The following PCDH15 variants were observed in gnomAD, a reference collection of about 807,000 sequenced individuals.
PCDH15 encodes the protein protocadherin related 15.
Under a neutral mutation model 178.5 loss-of-function variants are expected in PCDH15, and 129 were observed. The ratio of observed to expected loss-of-function variants is 0.72; its 90% CI spans 0.63 to 0.84. The LOEUF (loss-of-function observed/expected upper bound fraction) is 0.84. Ranked by LOEUF, PCDH15 falls within the 40% of genes least tolerant of loss-of-function variation. The pLI, the probability that PCDH15 is intolerant of heterozygous loss-of-function variation, is 0.00. For synonymous variants in PCDH15, 800 were observed against 732.0 expected (o/e 1.09, Z -1.50); for missense variants, 2,230 against 2,099.9 (o/e 1.06, Z -1.21).
chr10:55,354,785 G>A (rs192816397), intron 2 of PCDH15, among the ~76,000 whole-genome samples: 1 of 151,988 alleles, frequency 6.6e-6, no homozygotes, highest in Non-Finnish European at 1.5e-5. Flanking sequence ...TTTGCGGAAT[G>A]TACAGTTTTA....
intron 2 of PCDH15, among the ~76,000 whole-genome samples, chr10:55,452,213 C>A (rs538288018): frequency 7.3e-6 from 1 of 136,520 alleles, no homozygotes; most frequent in Admixed American, 7.5e-5. Context: ...TTTGAAACTG[C>A]ATTTTATGAG....
chr10:54,042,160 A>G (rs1229740847), intron 18 of PCDH15, among the ~76,000 whole-genome samples: 2 of 152,174 alleles, frequency 1.3e-5, no homozygotes, highest in South Asian at 2.1e-4. Context: ...ATATTGCCAG[A>G]CATTTTTGTA....
chr10:53,844,762 A>C (rs2077867579), intron 28 of PCDH15, among the ~76,000 whole-genome samples: 1 of 152,062 alleles, frequency 6.6e-6, no homozygotes, highest in Non-Finnish European at 1.5e-5. Context: ...ATAAGACATA[A>C]AACTGTAAAA....
Position 54,169,626 on chromosome 10 carries a change from G to T in PCDH15, c.1590+13818C>A, listed in dbSNP as rs1375120440. ...AAAGCCTCCTTTGCATACTCCTCTT[G>T]TATCCCCCCACCTTAACCTACAAGT... On this transcript the variant is annotated intron_variant, in intron 13 of 37. Coordinates refer to ENST00000644397, the MANE Select transcript of PCDH15 (RefSeq NM_001384140.1). Among the ~76,000 whole-genome samples, 5 of 150,082 alleles carry T rather than the reference G, an allele frequency of 3.3e-5. No individual in the cohort carries two copies. The Admixed American group carries it at 3.3e-4, about 10-fold the overall frequency.
At chr10:54,888,801 T>C (rs956039760) in intron 3 of PCDH15, among the ~76,000 whole-genome samples, 2 of 151,436 alleles carry the variant, frequency 1.3e-5, no homozygotes, top group African/African-American at 4.8e-5. Context: ...TTTTTTTTTT[T>C]TTAAGTGGGC....
intron 20 of PCDH15, among the ~76,000 whole-genome samples, chr10:53,999,397 TTC>T (rs2092014733): frequency 6.6e-6 from 1 of 152,200 alleles, no homozygotes. Context: ...CTGGGTTTTT[TTC>T]TCTCTCAATT....
chr10:54,569,205 A>C (rs1261999540), intron 2 of PCDH15, among the ~76,000 whole-genome samples: 1 of 152,098 alleles, frequency 6.6e-6, no homozygotes, highest in Non-Finnish European at 1.5e-5. Flanking sequence ...TGAACTTTTT[A>C]TAAAATTAAA....
chr10:55,261,873 C>T (rs1048057884), intron 1 of PCDH15, among the ~76,000 whole-genome samples: 88 of 152,032 alleles, frequency 5.8e-4, no homozygotes, highest in African/African-American at 2.1e-3. Flanking sequence ...GATTAAAAGC[C>T]AATTGTTATT....
intron 28 of PCDH15, among the ~76,000 whole-genome samples, chr10:53,849,661 T>C (rs941184060): frequency 6.6e-6 from 1 of 151,776 alleles, no homozygotes; most frequent in Non-Finnish European, 1.5e-5. Context: ...TCAGGAGATC[T>C]AGACCATTGT....
At chr10:54,122,627 TATG>T (rs974875191) in intron 15 of PCDH15, among the ~76,000 whole-genome samples, 8 of 151,808 alleles carry the variant, frequency 5.3e-5, no homozygotes, top group African/African-American at 1.9e-4. Context: ...TCACTGGTGA[TATG>T]ATTTTATACC....
At chr10:53,965,115 T>C (rs1046307055) in intron 21 of PCDH15, among the ~76,000 whole-genome samples, 1 of 151,794 alleles carries the variant, frequency 6.6e-6, no homozygotes, top group Non-Finnish European at 1.5e-5. Flanking sequence ...TGGAGTGCAG[T>C]TGCACGATCT....
chr10:54,824,319 T>A (rs1953092618), intron 3 of PCDH15, among the ~76,000 whole-genome samples: 1 of 152,148 alleles, frequency 6.6e-6, no homozygotes, highest in Non-Finnish European at 1.5e-5. Context: ...GAAGTAAAAG[T>A]CCTTGTTTGA....
chr10:54,175,599 T>C lies in PCDH15; in HGVS notation c.1590+7845A>G, dbSNP rs549322227. 3.3e-5 allele frequency among the ~76,000 whole-genome samples: 5 copies of C among 152,318 alleles called. No individual in the cohort carries two copies. In the East Asian group the frequency reaches 9.7e-4, roughly 29 times the overall value. Reference sequence around the variant, plus strand: ...ACTCTTTTGAGGTTGGTACTATTATTATCACCATTTTAAAGATTGGAAAAC... The same window carrying C: ...ACTCTTTTGAGGTTGGTACTATTATCATCACCATTTTAAAGATTGGAAAAC... On this transcript the variant is annotated intron_variant, in intron 13 of 37. Coordinates refer to ENST00000644397, the MANE Select transcript of PCDH15 (RefSeq NM_001384140.1).
At chr10:54,799,728 C>T (rs1952446541) in intron 1 of PCDH15, among the ~76,000 whole-genome samples, 1 of 151,968 alleles carries the variant, frequency 6.6e-6, no homozygotes, top group African/African-American at 2.4e-5. Context: ...GAGAATGAGT[C>T]CACAGTCAAG....
intron 2 of PCDH15, among the ~76,000 whole-genome samples, chr10:54,938,664 C>T (rs1431730724): frequency 1.3e-5 from 2 of 152,098 alleles, no homozygotes; most frequent in African/African-American, 4.8e-5. Context: ...CTCCTAATAA[C>T]AGAAACTGTT....
At position 53,838,976 on chromosome 10, in the gene PCDH15, G is replaced by A. The variant is rs536951432; in HGVS notation, c.3983+1344C>T. Among the ~76,000 whole-genome samples the A allele has an allele frequency of 5.3e-3, 813 of 152,100 alleles. 3 individuals carry two copies. Among genetic ancestry groups the A allele is most frequent in the Non-Finnish European group, 9.8e-3 (666 of 68,010 alleles). On this transcript the variant is annotated intron_variant, in intron 29 of 37. Transcript: ENST00000644397. ...TCCCAGCACTTTGGGATGCCAAGGC[G>A]GGCGGATCACCAGGTAAGGAGATCG...
chr10:55,075,444 C>T (rs1301187203), intron 2 of PCDH15, among the ~76,000 whole-genome samples: 3 of 149,816 alleles, frequency 2.0e-5, no homozygotes, highest in African/African-American at 7.4e-5. Flanking sequence ...CAGCTCACAG[C>T]AACCTCTGCC....
At chr10:55,442,368 C>G (rs1244138111) in intron 2 of PCDH15, among the ~76,000 whole-genome samples, 1 of 138,196 alleles carries the variant, frequency 7.2e-6, no homozygotes, top group Non-Finnish European at 1.6e-5. Context: ...TCATGTGTTC[C>G]TTTTTTTTTT....
At chr10:55,154,019 G>C (rs902666646) in intron 2 of PCDH15, among the ~76,000 whole-genome samples, 3 of 152,126 alleles carry the variant, frequency 2.0e-5, no homozygotes, top group Non-Finnish European at 2.9e-5. Context: ...TGCATACTCA[G>C]AGTGAGAAAT....
Sources: allele counts gnomAD v4.1 joint callset (sites outside exome capture counted in the v4.1 genomes callset), GRCh38; gene constraint gnomAD v4.1.1; transcripts MANE v1.5; gene names NCBI Gene and HGNC (gene_info 2026-07-23, HGNC 2026-07-21).